The following HSPG2 variants were observed in gnomAD, a reference collection of about 807,000 sequenced individuals.
The protein encoded by HSPG2 is basement membrane-specific heparan sulfate proteoglycan core protein.
A neutral mutation model predicts 526.6 loss-of-function variants in HSPG2; 278 were observed. That is an observed-to-expected ratio of 0.53 (90% CI 0.48 to 0.58). The LOEUF (loss-of-function observed/expected upper bound fraction) is 0.58. Ranked by LOEUF, HSPG2 falls within the 20% of genes least tolerant of loss-of-function variation. HSPG2 has a pLI of 0.00. For missense variants in HSPG2, 5,354 were observed against 6,099.5 expected (o/e 0.88, Z 4.07); for synonymous variants, 2,465 against 2,555.4 (o/e 0.96, Z 1.07).
chr1:21,890,179 G>A lies in HSPG2; in HGVS notation c.414-38C>T, dbSNP rs758339720. 5 of 1,612,418 alleles carry A rather than the reference G, an allele frequency of 3.1e-6. No homozygotes were observed. Among genetic ancestry groups the A allele is most frequent in the Non-Finnish European group, 4.2e-6 (5 of 1,179,076 alleles). ...ACAGGCAGGAGAGGAGGGTCAGCGAGACACCTGTGTTCTCAGCTCCTCCAT... is the reference window on the plus strand; with the variant it reads ...ACAGGCAGGAGAGGAGGGTCAGCGAAACACCTGTGTTCTCAGCTCCTCCAT... On this transcript the variant is annotated intron_variant, in intron 5 of 96. Coordinates refer to ENST00000374695, the MANE Select transcript of HSPG2 (RefSeq NM_005529.7). This position sits in a 1 kb window ranked among gnomAD's most constrained non-coding sequence, Gnocchi z 4.1.
chr1:21,851,394 T>C (rs924140557), intron 55 of HSPG2, 152 bp downstream of exon 55: 2 of 1,130,580 alleles, frequency 1.8e-6, no homozygotes, highest in Non-Finnish European at 2.5e-6. Context: ...TAGTCAGTCC[T>C]AGATTCTGGT....
At chr1:21,894,265 G>A (rs751900037) in intron 3 of HSPG2, among the ~76,000 whole-genome samples, 5 of 152,094 alleles carry the variant, frequency 3.3e-5, no homozygotes, top group Non-Finnish European at 7.4e-5. Flanking sequence ...CCATCTCAGG[G>A]GCTGGAGTCC....
At chr1:21,831,615 T>C in intron 82 of HSPG2, 37 bp downstream of exon 82, 1 of 1,613,002 alleles carries the variant, frequency 6.2e-7, no homozygotes, top group Admixed American at 1.7e-5. Context: ...AAGGGCGGGA[T>C]GAGGGCTGGA....
At chr1:21,874,097 G>A (rs547076546) in intron 28 of HSPG2, 86 bp from the exon 29 acceptor site, 2 of 1,230,854 alleles carry the variant, frequency 1.6e-6, no homozygotes, top group Admixed American at 4.1e-5. Context: ...GGAGAGGGGA[G>A]GGGAAGAACA....
intron 1 of HSPG2, among the ~76,000 whole-genome samples, chr1:21,930,078 T>C (rs1318303944): frequency 2.0e-5 from 3 of 152,018 alleles, no homozygotes; most frequent in African/African-American, 7.2e-5. Flanking sequence ...GCCACCCCCC[T>C]GCCTGCTGCA....
chr1:21,913,494 TCCACCTGC>T (rs1376830516), intron 1 of HSPG2, among the ~76,000 whole-genome samples: 6 of 152,160 alleles, frequency 3.9e-5, no homozygotes, highest in Non-Finnish European at 7.4e-5. Context: ...GAACATCCTG[TCCACCTGC>T]CCTCAGACAG....
At chr1:21,930,521 C>T (rs917185131) in intron 1 of HSPG2, among the ~76,000 whole-genome samples, 14 of 152,198 alleles carry the variant, frequency 9.2e-5, no homozygotes, top group African/African-American at 3.4e-4. Context: ...CGCCTGTAAT[C>T]CCAGTGCTTT....
chr1:21,895,450 A>G lies in HSPG2; in HGVS notation c.244+472T>C, dbSNP rs1242788270. On this transcript the variant is annotated intron_variant, in intron 3 of 96. Transcript: ENST00000374695. This position sits in a 1 kb window ranked among gnomAD's most constrained non-coding sequence, Gnocchi z 4.1. ...CACCTTAAGGCAAGGTTCTCTCCCA[A>G]GCCTAGCGTCAGGCTCGATCTGTGC... is the stretch of plus-strand genomic sequence containing the variant. Among the ~76,000 whole-genome samples the G allele has an allele frequency of 6.6e-6, 1 of 152,044 alleles. No homozygotes were observed. Among genetic ancestry groups the G allele is most frequent in the African/African-American group, 2.4e-5 (1 of 41,380 alleles).
In HSPG2 at chr1:21,842,240, G is replaced by A. The variant is rs1316188944; in HGVS notation, c.9051C>T (p.Tyr3017=). ...GCCCATGGCATCTGCCATACTCACG[G>A]TAGGAAGACCCCTCACTGGGCGGGA... ...VTVPPSEGSS[Y]RLRSPVISID... Residue 3017 remains tyrosine, a splice_region_variant and synonymous_variant, in exon 68 of 97, where the codon TAC becomes TAT. Transcript: ENST00000374695. 3.1e-6 allele frequency: 5 copies of A among 1,613,462 alleles called. No individual in the cohort carries two copies. The highest frequency in any genetic ancestry group is 2.2e-5 in the South Asian group (2 of 91,038).
intron 91 of HSPG2, among the ~76,000 whole-genome samples, chr1:21,827,036 C>A (rs886883668): frequency 6.6e-6 from 1 of 151,914 alleles, no homozygotes; most frequent in African/African-American, 2.4e-5. Flanking sequence ...GGTGAAACCC[C>A]ATCCCTACAA....
At chr1:21,900,373 T>C (rs567244166) in intron 1 of HSPG2, among the ~76,000 whole-genome samples, 1 of 152,266 alleles carries the variant, frequency 6.6e-6, no homozygotes, top group East Asian at 1.9e-4. Flanking sequence ...AGGCATTCCT[T>C]GAACACTGGC....
rs1334889120 is a variant in HSPG2, at chr1:21,827,898, T to A, written c.12554A>T (p.Glu4185Val). ...CQQGSGHGIA[E>V]SDWHLEGSGG... ...GCTGCCTTCAAGATGCCAGTCGGAC[T>A]CTGCTATGCCATGTCCAGAGCCTAT... The change falls in exon 91 of 97, where the codon GAG (glutamate) becomes GTG (valine). Residue 4185 changes from glutamate to valine, a missense_variant. Transcript: ENST00000374695. 2 of 1,597,980 alleles carry A rather than the reference T, an allele frequency of 1.3e-6. No individual in the cohort carries two copies. Among genetic ancestry groups the A allele is most frequent in the Non-Finnish European group, 1.7e-6 (2 of 1,172,726 alleles).
At chr1:21,862,178 G>T (rs1399958904) in intron 37 of HSPG2, 63 bp from the exon 38 acceptor site, 2 of 1,580,288 alleles carry the variant, frequency 1.3e-6, no homozygotes, top group African/African-American at 1.3e-5. Flanking sequence ...GCCTTTCAGG[G>T]TTGCAATCCC....
chr1:21,846,654 G>A (rs1366533792), intron 62 of HSPG2, 55 bp from the exon 63 acceptor site: 15 of 1,599,194 alleles, frequency 9.4e-6, no homozygotes, highest in African/African-American at 1.3e-5. Flanking sequence ...TTGGGAACAG[G>A]GTTGGTGGGA....
intron 80 of HSPG2, 120 bp downstream of exon 80, chr1:21,833,148 G>C: frequency 1.2e-6 from 1 of 846,260 alleles, no homozygotes; most frequent in East Asian, 2.5e-5. Flanking sequence ...TCTGGAGAGG[G>C]AGGGCTGAGG....
intron 96 of HSPG2, 63 bp from the exon 97 acceptor site, chr1:21,823,551 G>A (rs979601294): frequency 1.2e-6 from 2 of 1,610,426 alleles, no homozygotes; most frequent in Admixed American, 3.3e-5. Context: ...AGGAAGGCTG[G>A]GCGAGCTCTA....
At chr1:21,845,521 G>A (rs1232259770) in intron 64 of HSPG2, among the ~76,000 whole-genome samples, 5 of 152,130 alleles carry the variant, frequency 3.3e-5, no homozygotes, top group South Asian at 2.1e-4. Context: ...TAGGACTAAC[G>A]GTAGGCGCCA....
In HSPG2 at chr1:21,872,373, G is replaced by C; in HGVS notation, c.4034C>G (p.Ser1345Cys). The change falls in exon 33 of 97, where the codon TCC becomes TGC. Residue 1345 changes from serine to cysteine, a missense_variant. Coordinates refer to ENST00000374695, the MANE Select transcript of HSPG2 (RefSeq NM_005529.7). This position sits in a 1 kb window ranked among gnomAD's most constrained non-coding sequence, Gnocchi z 5.5. ...GAAGTCCCCAGGGGCAAAGTGGGTG[G>C]AGATCTGGCAGGGGAAAAAGGAGGG... is the stretch of plus-strand genomic sequence containing the variant. ...ASSAYTRHLI[S>C]THFAPGDFQG... 1 of 1,568,654 alleles carries C rather than the reference G, an allele frequency of 6.4e-7. No individual in the cohort carries two copies. The highest frequency in any genetic ancestry group is 8.7e-7 in the Non-Finnish European group (1 of 1,155,182).
rs1324332082 is a variant in HSPG2, at chr1:21,841,121, C to T, written c.9493G>A (p.Asp3165Asn). The change falls in exon 71 of 97, where the codon GAC becomes AAC. Residue 3165 changes from aspartate to asparagine, a missense_variant. Physicochemically the swap from Asp to Asn is conservative, Grantham distance 23. Coordinates refer to ENST00000374695, the MANE Select transcript of HSPG2 (RefSeq NM_005529.7). Reference sequence around the variant, plus strand: ...TTCACCTGCAGCACCGCGTGGCTGTCCATGAGCCCATATGTCCGCTGCTCC... The same window carrying T: ...TTCACCTGCAGCACCGCGTGGCTGTTCATGAGCCCATATGTCCGCTGCTCC... ...KLEQRTYGLM[D>N]SHAVLQISSA... The T allele has an allele frequency of 6.2e-7, 1 of 1,611,908 alleles. No homozygotes were observed. The highest frequency in any genetic ancestry group is 1.3e-5 in the African/African-American group (1 of 75,040).
Sources: gnomAD v4.1 joint callset for allele counts (sites outside exome capture counted in the v4.1 genomes callset) on GRCh38, gnomAD v4.1.1 for gene constraint, Gnocchi (gnomAD v3.1) non-coding constraint, MANE v1.5 for transcripts, NCBI Gene and HGNC (gene_info 2026-07-23, HGNC 2026-07-21) for gene names.